Variants in DBN1 observed in about 807,000 individuals in gnomAD.
DBN1 encodes the protein drebrin 1, also known as drebrin.
DBN1 carries 21 observed loss-of-function variants against 83.5 expected under a neutral mutation model. That is an observed-to-expected ratio of 0.25 (90% confidence interval 0.18 to 0.36). The LOEUF (loss-of-function observed/expected upper bound fraction) is 0.36. Ranked by LOEUF, DBN1 falls within the 10% of genes least tolerant of loss-of-function variation. The pLI is 1.00. For missense variants in DBN1, 874 were observed against 935.7 expected (o/e 0.93, Z 0.86); for synonymous variants, 381 against 384.9 (o/e 0.99, Z 0.12).
chr5:177,472,201 G>T, intron 1 of DBN1: 1 of 1,613,756 alleles, frequency 6.2e-7, no homozygotes, highest in Non-Finnish European at 8.5e-7. Flanking sequence ...TGCCATGGAT[G>T]CCCAGCCATC....
At position 177,459,669 on chromosome 5, in the gene DBN1, GGGAGGAGGAGGAAGA is replaced by G; in HGVS notation, c.1012_1026del (p.Ser338_Ser342del). The G allele has an allele frequency of 4.4e-6, 7 of 1,592,886 alleles. No individual in the cohort carries two copies. Among genetic ancestry groups the G allele is most frequent in the Non-Finnish European group, 6.0e-6 (7 of 1,170,100 alleles). ...ATATAGGGAAAGGGAGTCCGTGGAGGGGAGGAGGAGGAAGAGGAGGAGGAGGAAGGCCCACTGTCC... is the reference window on the plus strand; with the variant it reads ...ATATAGGGAAAGGGAGTCCGTGGAGGGGAGGAGGAGGAAGGCCCACTGTCC... On this transcript the variant is annotated inframe_deletion, in exon 11 of 15. Transcript: ENST00000393565.
At position 177,458,528 on chromosome 5, in the gene DBN1, C is replaced by A. The variant is rs771132639; in HGVS notation, c.1444G>T (p.Val482Leu). ...GTGGCGTCAGCTGTGGCAGGCTCCA[C>A]GGGAGCAGCCAGGACAGCCTGCTCT... ...SAEQAVLAAP[V>L]EPATADATEI... Residue 482 changes from valine to leucine, a missense_variant, in exon 13 of 15, where the codon GTG becomes TTG. By Grantham distance (32) the Val-to-Leu change is conservative. Around this residue, in one of 4 missense-constraint regions of DBN1, gnomAD observed 725 missense variants for 719.7 expected, o/e 1.01. Transcript: ENST00000393565. 6.2e-7 allele frequency: 1 copy of A among 1,613,972 alleles called. No individual in the cohort carries two copies. The highest frequency in any genetic ancestry group is 1.3e-5 in the African/African-American group (1 of 74,914).
intron 2 of DBN1, 106 bp from the exon 3 acceptor site, chr5:177,468,326 AG>A: frequency 1.0e-6 from 1 of 973,166 alleles, no homozygotes; most frequent in Non-Finnish European, 1.6e-6. Context: ...AGGCACCCCC[AG>A]GGGTCTTCTG....
At chr5:177,462,585 C>T (rs992033072) in intron 8 of DBN1, among the ~76,000 whole-genome samples, 19 of 152,226 alleles carry the variant, frequency 1.2e-4, no homozygotes, top group African/African-American at 3.9e-4. Context: ...GTGGCCAGCA[C>T]AAGGCGGGCG....
chr5:177,468,554 A>C, intron 2 of DBN1: 1 of 456,950 alleles, frequency 2.2e-6, no homozygotes, highest in African/African-American at 1.9e-5. Context: ...GCTCTGGGGA[A>C]GGCGGTGAAT....
chr5:177,459,576 C>T, intron 11 of DBN1, 27 bp downstream of exon 11: 37 of 1,474,982 alleles, frequency 2.5e-5, no homozygotes, highest in Non-Finnish European at 3.3e-5. Context: ...CTTACCACCC[C>T]CGCCGAGGCC....
intron 8 of DBN1, among the ~76,000 whole-genome samples, chr5:177,461,845 T>C (rs1426699729): frequency 6.6e-6 from 1 of 152,212 alleles, no homozygotes; most frequent in East Asian, 1.9e-4. Context: ...CAGCAAGCAC[T>C]GGCTAAATAT....
chr5:177,471,826 T>C (rs572985670), intron 1 of DBN1, among the ~76,000 whole-genome samples: 2 of 151,888 alleles, frequency 1.3e-5, no homozygotes, highest in Non-Finnish European at 2.9e-5. Flanking sequence ...GAGCAGGATG[T>C]GGGGCAACAG....
chr5:177,473,589 G>C lies in DBN1; in HGVS notation c.-68C>G. 1 of 915,222 alleles carries C rather than the reference G, an allele frequency of 1.1e-6. No homozygotes were observed. Among genetic ancestry groups the C allele is most frequent in the Middle Eastern group, 3.9e-4 (1 of 2,584 alleles). The allele number at this position is 915,222 out of a possible 1,614,324, so 56.7% of individuals were successfully genotyped here. ...ACGGGCGGACGGAGGAGGAGGGAGG[G>C]AAAGAGGGAGTCGCCGCCGCCGCCT... is the stretch of plus-strand genomic sequence containing the variant. On this transcript the variant is annotated 5_prime_UTR_variant, in exon 1 of 15. Coordinates refer to ENST00000393565, the MANE Select transcript of DBN1 (RefSeq NM_001363541.2).
chr5:177,468,871 C>G lies in DBN1; in HGVS notation c.115G>C (p.Asp39His), dbSNP rs766154840. ...WALYTYEDGS[D>H]DLKLAASGEG... Reference sequence around the variant, plus strand: ...CCTGATGCTGCAAGCTTGAGGTCATCGGAGCCATCTTCATATGTGTACAGA... The same window carrying G: ...CCTGATGCTGCAAGCTTGAGGTCATGGGAGCCATCTTCATATGTGTACAGA... Residue 39 changes from aspartate (D) to histidine (H), a missense_variant, in exon 2 of 15, where the codon GAT (aspartate) becomes CAT (histidine). Physicochemically the swap from Asp to His is moderately conservative, Grantham distance 81. Transcript: ENST00000393565. 1 of 1,320,410 alleles carries G rather than the reference C, an allele frequency of 7.6e-7. No individual in the cohort carries two copies. The allele number at this position is 1,320,410 out of a possible 1,614,324, so 81.8% of individuals were successfully genotyped here.
intron 8 of DBN1, among the ~76,000 whole-genome samples, chr5:177,464,674 G>C (rs983941330): frequency 6.6e-6 from 1 of 152,002 alleles, no homozygotes; most frequent in East Asian, 1.9e-4. Context: ...GGGTGCGGTG[G>C]CTCATGCCTG....
At position 177,472,309 on chromosome 5, in the gene DBN1, CCCT is replaced by C. The variant is rs755153914; in HGVS notation, c.86+1124_86+1126del. 8.4e-6 allele frequency: 13 copies of C among 1,551,472 alleles called. No individual in the cohort carries two copies. In the Admixed American group the frequency reaches 8.6e-5, roughly 10 times the overall value. ...GCCCAAGCGGGGTCCCTCAGACCTG[CCCT>C]CCTCTTTGCCTCAGTTTCCTCAAGA... On this transcript the variant is annotated intron_variant, in intron 1 of 14. Coordinates refer to ENST00000393565, the MANE Select transcript of DBN1 (RefSeq NM_001363541.2).
chr5:177,457,624 A>T lies in DBN1; in HGVS notation c.2017+31T>A, dbSNP rs775198804. The stretch of plus-strand genomic sequence containing the variant: ...CACTCAAATCCAGCCCCCGCACCCA[A>T]ATTCCTCCCCATCATCCAGCCCAGT... On this transcript the variant is annotated intron_variant, in intron 14 of 14. Coordinates refer to ENST00000393565, the MANE Select transcript of DBN1 (RefSeq NM_001363541.2). The T allele has an allele frequency of 1.9e-6, 3 of 1,547,220 alleles. No homozygotes were observed. The South Asian group carries it at 3.4e-5, about 17-fold the overall frequency.
At chr5:177,472,405 A>G in intron 1 of DBN1, 1 of 1,441,364 alleles carries the variant, frequency 6.9e-7, no homozygotes, top group Non-Finnish European at 9.0e-7. Flanking sequence ...TCCCTAGAAG[A>G]AGAGTATTAC....
chr5:177,460,443 T>C lies in DBN1; in HGVS notation c.944A>G (p.Asn315Ser), dbSNP rs769478652. The part of the protein sequence containing the change: ...AGSCDVPSPF[N>S]HRPGRPYCPF... Reference sequence around the variant, plus strand: ...GGGCCTAGGACTACCTGGTCGATGGTTGAAGGGCGAGGGTACATCACAGCT... The same window carrying C: ...GGGCCTAGGACTACCTGGTCGATGGCTGAAGGGCGAGGGTACATCACAGCT... Residue 315 changes from asparagine (N) to serine (S), a missense_variant, in exon 10 of 15, where the codon AAC becomes AGC. Physicochemically the swap from Asn to Ser is conservative, Grantham distance 46. This residue lies in a region of DBN1 where 725 missense variants were observed against 719.7 expected (regional missense o/e 1.01). Coordinates refer to ENST00000393565, the MANE Select transcript of DBN1 (RefSeq NM_001363541.2). 11 of 1,613,758 alleles carry C rather than the reference T, an allele frequency of 6.8e-6. No individual in the cohort carries two copies. The highest frequency in any genetic ancestry group is 2.2e-5 in the East Asian group (1 of 44,900).
rs762668095 is a variant in DBN1 at position 177,467,105 on chromosome 5, C to T, written c.556-43G>A. On this transcript the variant is annotated intron_variant, in intron 6 of 14. Coordinates refer to ENST00000393565, the MANE Select transcript of DBN1 (RefSeq NM_001363541.2). The surrounding 1 kb of genome is among the most constrained non-coding windows in gnomAD (Gnocchi z 9.1). ...AACAAGGGTAGGCCCCGAGCCTAGGCGCCTGGACCCTGCCCCTCCAGCCCC... is the reference window on the plus strand; with the variant it reads ...AACAAGGGTAGGCCCCGAGCCTAGGTGCCTGGACCCTGCCCCTCCAGCCCC... The T allele has an allele frequency of 1.7e-5, 27 of 1,611,952 alleles. No individual in the cohort carries two copies. The highest frequency in any genetic ancestry group is 1.7e-4 in the Middle Eastern group (1 of 5,830).
At chr5:177,462,363 AGGCCCTCT>A (rs1407547706) in intron 8 of DBN1, 1 of 985,444 alleles carries the variant, frequency 1.0e-6, no homozygotes, top group Non-Finnish European at 1.2e-6. Flanking sequence ...CCCGGGGGCC[AGGCCCTCT>A]GGTTTCCAGC....
chr5:177,464,930 A>AGGTG (rs1757328268), intron 8 of DBN1, among the ~76,000 whole-genome samples: 1 of 152,072 alleles, frequency 6.6e-6, no homozygotes, highest in Non-Finnish European at 1.5e-5. Flanking sequence ...TGAGGTGGGC[A>AGGTG]GATCATGAGG....
intron 1 of DBN1, among the ~76,000 whole-genome samples, chr5:177,470,401 T>G (rs1368537549): frequency 6.6e-6 from 1 of 152,166 alleles, no homozygotes; most frequent in Non-Finnish European, 1.5e-5. Context: ...GGACCTGTCT[T>G]GGCCTGCCTA....
Sources: gnomAD v4.1 joint callset for allele counts (sites outside exome capture counted in the v4.1 genomes callset) on GRCh38, gnomAD v4.1.1 for gene constraint, gnomAD v4.1.1 regional missense constraint, Gnocchi (gnomAD v3.1) non-coding constraint, MANE v1.5 for transcripts, NCBI Gene and HGNC (gene_info 2026-07-23, HGNC 2026-07-21) for gene names.